The following MYO15B variants were observed in gnomAD, a reference collection of about 807,000 sequenced individuals.
MYO15B encodes myosin XVB.
MYO15B carries 207 observed loss-of-function variants against 119.3 expected under a neutral mutation model. That is an observed-to-expected ratio of 1.73 (90% CI 1.55 to 1.95). MYO15B has a LOEUF of 1.95. MYO15B is among the 30% of genes most tolerant of loss of function. MYO15B has a pLI of 0.00. For synonymous variants in MYO15B, 966 were observed against 498.9 expected, an observed-to-expected ratio of 1.94 and a Z score of -12.48; for missense variants, 2,264 against 1,203.1, an observed-to-expected ratio of 1.88 and a Z score of -13.04.
rs2058557424 is a variant in MYO15B, at chr17:75,619,223, G to C, written c.7063+5G>C. ...GGAAAATGAAAGACCTGCTGGGTAT[G>C]GGTCCAGGGACCATGGAGTTGGGAG... On this transcript the variant is annotated splice_donor_5th_base_variant and intron_variant, in intron 44 of 63. Coordinates refer to ENST00000645453, the Ensembl canonical transcript of MYO15B. The C allele has an allele frequency of 1.1e-5, 8 of 702,708 alleles. No individual in the cohort carries two copies. Among genetic ancestry groups the C allele is most frequent in the South Asian group, 4.4e-5 (3 of 67,614 alleles). 43.5% of individuals were successfully genotyped at this position (702,708 alleles called of 1,614,324 possible). A position where few individuals can be genotyped will look rare whatever the true frequency, so the allele number is the denominator to read the frequency against.
chr17:75,613,241 G>T lies in MYO15B; in HGVS notation c.4967+32G>T, dbSNP rs543016267. On this transcript the variant is annotated intron_variant, in intron 27 of 63. Transcript: ENST00000645453. ...GGCCTGGGAGGTGGGGACCTGGCAGGTGGGGTCGCTGGATCACCCTGCCTC... is the reference window on the plus strand; with the variant it reads ...GGCCTGGGAGGTGGGGACCTGGCAGTTGGGGTCGCTGGATCACCCTGCCTC... 1.6e-5 allele frequency: 11 copies of T among 677,144 alleles called. No individual in the cohort carries two copies. In the African/African-American group the frequency reaches 1.8e-4, roughly 11 times the overall value. The allele number at this position is 677,144 out of a possible 1,614,324, so 41.9% of individuals were successfully genotyped here. A position where few individuals can be genotyped will look rare whatever the true frequency, so the allele number is the denominator to read the frequency against.
chr17:75,624,811 C>T (rs533751157), exon 59 of MYO15B: 1 of 703,024 alleles, frequency 1.4e-6, no homozygotes, highest in East Asian at 2.7e-5. Context: ...AATACCTCAA[C>T]AGCGTGGTAG....
chr17:75,615,075 T>C, intron 33 of MYO15B, 33 bp downstream of exon 33: 6 of 697,494 alleles, frequency 8.6e-6, no homozygotes, highest in Non-Finnish European at 1.3e-5. Context: ...ACCCAGGGCC[T>C]CCGGGCCCGG....
exon 34 of MYO15B, chr17:75,615,247 A>G (rs1420667326): frequency 4.3e-6 from 3 of 702,508 alleles, no homozygotes; most frequent in East Asian, 2.7e-5. Context: ...CAGTGTACCC[A>G]GGAATGATTC....
exon 28 of MYO15B, chr17:75,613,425 C>T (rs1372198760): frequency 5.9e-6 from 4 of 678,772 alleles, no homozygotes; most frequent in Middle Eastern, 3.6e-4. Flanking sequence ...AGTGGCTGGC[C>T]GGATGGCGGC....
intron 14 of MYO15B, among the ~76,000 whole-genome samples, chr17:75,597,321 C>G (rs1438855107): frequency 1.3e-5 from 2 of 152,198 alleles, no homozygotes; most frequent in Non-Finnish European, 2.9e-5. Context: ...TCCACAAATG[C>G]TTTCTGACTG....
intron 23 of MYO15B, 93 bp from the exon 24 acceptor site, chr17:75,611,508 G>T: frequency 1.5e-6 from 1 of 660,772 alleles, no homozygotes; most frequent in Non-Finnish European, 2.7e-6. Context: ...CTTTGGAAGG[G>T]ATGTTTATAA....
chr17:75,617,271 G>A (rs749736056), exon 41 of MYO15B: 13 of 676,844 alleles, frequency 1.9e-5, no homozygotes, highest in Non-Finnish European at 2.9e-5. Flanking sequence ...GCCTCTGCCC[G>A]AGGACCCAGG....
At position 75,626,405 on chromosome 17, in the gene MYO15B, A is replaced by G. The variant is rs1408767644; in HGVS notation, c.9214-2A>G. 4 of 703,042 alleles carry G rather than the reference A, an allele frequency of 5.7e-6. No homozygotes were observed. In the East Asian group the frequency reaches 8.0e-5, roughly 14 times the overall value. The allele number at this position is 703,042 out of a possible 1,614,324, so 43.6% of individuals were successfully genotyped here. Reference sequence around the variant, plus strand: ...TCTTGTAACAGGCCTTTCTCTGGGCAGGCCCAGGAGCTGCTATACACCACT... The same window carrying G: ...TCTTGTAACAGGCCTTTCTCTGGGCGGGCCCAGGAGCTGCTATACACCACT... On this transcript the variant is annotated splice_acceptor_variant, in intron 63 of 63. Transcript: ENST00000645453. LOFTEE classifies it high-confidence loss of function.
At chr17:75,591,779 G>T (rs1302750504) in intron 5 of MYO15B, 67 bp downstream of exon 5, 7 of 701,452 alleles carry the variant, frequency 1.0e-5, no homozygotes, top group African/African-American at 1.7e-5. Context: ...GGGGACAGCT[G>T]ACCATGTCCA....
chr17:75,612,760 G>A (rs1568180935), intron 25 of MYO15B, 38 bp from the exon 26 acceptor site: 2 of 702,684 alleles, frequency 2.8e-6, no homozygotes, highest in South Asian at 1.5e-5. Flanking sequence ...CTGTCTGATA[G>A]CTGGTGAGCA....
chr17:75,617,690 G>A, intron 41 of MYO15B, 120 bp from the exon 42 acceptor site: 1 of 602,662 alleles, frequency 1.7e-6, no homozygotes, highest in Admixed American at 2.8e-5. Context: ...AAGGCAGCTG[G>A]AGGTTGGGAG....
chr17:75,592,345 A>T (rs2056524054), intron 7 of MYO15B, 44 bp downstream of exon 7: 1 of 701,760 alleles, frequency 1.4e-6, no homozygotes, highest in African/African-American at 1.7e-5. Context: ...TTCCCAGAGT[A>T]GGAAGGGCAG....
At chr17:75,603,202 T>C (rs984284937) in exon 19 of MYO15B, 32 of 702,992 alleles carry the variant, frequency 4.6e-5, no homozygotes, top group Non-Finnish European at 7.8e-5. Context: ...CAGGCCTCTT[T>C]GACGTGGGAC....
At chr17:75,620,173 G>A (rs1598908478) in intron 47 of MYO15B, 73 bp from the exon 48 acceptor site, 1 of 699,134 alleles carries the variant, frequency 1.4e-6, no homozygotes, top group Non-Finnish European at 2.6e-6. Flanking sequence ...CCAGCAGGGG[G>A]AGCAGGTGGG....
intron 59 of MYO15B, 35 bp from the exon 60 acceptor site, chr17:75,625,088 C>T: frequency 1.5e-6 from 1 of 667,408 alleles, no homozygotes; most frequent in Non-Finnish European, 2.7e-6. Flanking sequence ...GGGCTTTGGA[C>T]CACCGCTGCC....
rs982044115 is a variant in MYO15B, at chr17:75,612,213, A to G, written c.4635+197A>G. 2.6e-5 allele frequency among the ~76,000 whole-genome samples: 4 copies of G among 152,174 alleles called. No individual in the cohort carries two copies. The highest frequency in any genetic ancestry group is 2.1e-4 in the South Asian group (1 of 4,836). The stretch of plus-strand genomic sequence containing the variant: ...GTCTCACCATAGAGCGTTACTGGAG[A>G]TAACAGTTGGTGTTATTGAATGGGA... On this transcript the variant is annotated intron_variant, in intron 25 of 63. Transcript: ENST00000645453.
chr17:75,607,915 CA>C (rs1275355801), intron 21 of MYO15B, among the ~76,000 whole-genome samples: 1 of 152,160 alleles, frequency 6.6e-6, no homozygotes, highest in African/African-American at 2.4e-5. Flanking sequence ...CAGCAATGTA[CA>C]AGGGTTCCAG....
At chr17:75,602,745 G>A (rs1000126605) in intron 16 of MYO15B, 85 bp from the exon 17 acceptor site, 23 of 604,336 alleles carry the variant, frequency 3.8e-5, no homozygotes, top group Admixed American at 2.9e-4. Context: ...TGGATGCCGA[G>A]GGCTGGTCCA....
Sources: gnomAD v4.1 joint callset for allele counts (sites outside exome capture counted in the v4.1 genomes callset) on GRCh38, gnomAD v4.1.1 for gene constraint, MANE v1.5 for transcripts, NCBI Gene and HGNC (gene_info 2026-07-23, HGNC 2026-07-21) for gene names.